RORA: variants seen among roughly 807,000 people sequenced by gnomAD.
The protein encoded by RORA is nuclear receptor ROR-alpha.
In RORA, 7 loss-of-function variants were observed where a neutral mutation model predicts 69.5. That is an observed-to-expected ratio of 0.10 (90% CI 0.06 to 0.19). The LOEUF is 0.19. Among genes scored for constraint, RORA ranks in the 10% least tolerant of loss-of-function variants. The pLI is 1.00. For missense variants in RORA, 457 were observed against 663.0 expected, an observed-to-expected ratio of 0.69 and a Z score of 3.41; for synonymous variants, 261 against 240.8, an observed-to-expected ratio of 1.08 and a Z score of -0.78.
intron 2 of RORA, among the ~76,000 whole-genome samples, chr15:60,589,287 T>C (rs945974126): frequency 6.6e-6 from 1 of 152,226 alleles, no homozygotes; most frequent in African/African-American, 2.4e-5. Flanking sequence ...ATACAGTATT[T>C]TCAAAGTGGT....
chr15:60,846,504 T>G (rs1474581019), intron 1 of RORA, among the ~76,000 whole-genome samples: 1 of 152,230 alleles, frequency 6.6e-6, no homozygotes, highest in Non-Finnish European at 1.5e-5. Flanking sequence ...CTTTTTGGAA[T>G]GCAGATATAG....
intron 2 of RORA, among the ~76,000 whole-genome samples, chr15:60,613,934 G>C (rs1219616208): frequency 1.2e-4 from 17 of 146,890 alleles, no homozygotes. Flanking sequence ...ATCTCATATG[G>C]GGAAATTATG....
In RORA at chr15:60,627,517, A is replaced by C. The variant is rs1242519399; in HGVS notation, c.196+51140T>G. The C allele has an allele frequency of 4.8e-6, 7 of 1,472,526 alleles. No homozygotes were observed. In the East Asian group the frequency reaches 1.4e-4, roughly 30 times the overall value. 91.2% of individuals were successfully genotyped at this position (1,472,526 alleles called of 1,614,324 possible). A position where few individuals can be genotyped will look rare whatever the true frequency, so the allele number is the denominator to read the frequency against. ...GAGGAGTATGGGGGATAATGCTCAG[A>C]GGCCCTGTGAATCTGCTGCCATGGG... On this transcript the variant is annotated intron_variant, in intron 2 of 10. Coordinates refer to ENST00000335670, the MANE Select transcript of RORA (RefSeq NM_134261.3).
intron 1 of RORA, among the ~76,000 whole-genome samples, chr15:61,201,187 C>G (rs2079892535): frequency 6.6e-6 from 1 of 152,230 alleles, no homozygotes; most frequent in Admixed American, 6.5e-5. Flanking sequence ...GGTACCCAAG[C>G]AAAGTCAGGC....
intron 1 of RORA, among the ~76,000 whole-genome samples, chr15:60,902,233 T>G (rs111442723): frequency 7.9e-5 from 12 of 152,280 alleles, no homozygotes; most frequent in African/African-American, 2.9e-4. Flanking sequence ...AACTCTGCAG[T>G]GAAGGCTCTT....
intron 1 of RORA, among the ~76,000 whole-genome samples, chr15:60,856,166 G>C (rs2256414): frequency 0.87 from 132,932 of 152,200 alleles, 58,748 homozygotes; most frequent in East Asian, 0.99. Context: ...TGGGGAAACT[G>C]ATGAAGTGGA....
chr15:60,770,844 T>G (rs899988102), intron 1 of RORA, among the ~76,000 whole-genome samples: 7 of 152,176 alleles, frequency 4.6e-5, no homozygotes, highest in African/African-American at 1.7e-4. Flanking sequence ...GAGATTTAAT[T>G]TCATGGGACT....
intron 1 of RORA, among the ~76,000 whole-genome samples, chr15:60,978,797 T>C (rs1222786430): frequency 6.6e-6 from 1 of 152,134 alleles, no homozygotes; most frequent in Non-Finnish European, 1.5e-5. Flanking sequence ...TTTGACACCC[T>C]TGTTGAAAAT....
chr15:60,768,132 C>T (rs945155978), intron 1 of RORA, among the ~76,000 whole-genome samples: 7 of 152,166 alleles, frequency 4.6e-5, no homozygotes, highest in Non-Finnish European at 8.8e-5. Context: ...TTTTCTCATC[C>T]CCCATCATGA....
chr15:60,731,914 C>G (rs753861540), intron 1 of RORA, among the ~76,000 whole-genome samples: 1 of 152,166 alleles, frequency 6.6e-6, no homozygotes, highest in South Asian at 2.1e-4. Context: ...GAGGAGGACA[C>G]GTCCCAGGGA....
intron 1 of RORA, among the ~76,000 whole-genome samples, chr15:60,705,443 AAC>A (rs1393954079): frequency 6.6e-6 from 1 of 152,206 alleles, no homozygotes; most frequent in Non-Finnish European, 1.5e-5. Context: ...GTGATTTCTG[AAC>A]AGTTACTTAA....
chr15:60,501,089 G>A lies in RORA; in HGVS notation c.1184-20C>T, dbSNP rs201142435. The A allele has an allele frequency of 1.3e-5, 18 of 1,397,300 alleles. No homozygotes were observed. The highest frequency in any genetic ancestry group is 1.6e-5 in the Non-Finnish European group (16 of 995,192). The allele number at this position is 1,397,300 out of a possible 1,614,324, so 86.6% of individuals were successfully genotyped here. On this transcript the variant is annotated intron_variant, in intron 8 of 10. Coordinates refer to ENST00000335670, the MANE Select transcript of RORA (RefSeq NM_134261.3). ...CACAACCTGCCAAAATGAAAACAAA[G>A]ACAGTTTAGAATTTTGATTATTGTC...
At chr15:60,761,767 T>A (rs940744249) in intron 1 of RORA, among the ~76,000 whole-genome samples, 1 of 152,184 alleles carries the variant, frequency 6.6e-6, no homozygotes. Flanking sequence ...AGAATTTTGG[T>A]CTGACAAAGA....
intron 1 of RORA, among the ~76,000 whole-genome samples, chr15:61,052,169 G>C (rs561802222): frequency 6.6e-6 from 1 of 152,348 alleles, no homozygotes; most frequent in Middle Eastern, 3.4e-3. Flanking sequence ...TATGCACACA[G>C]AGAATGATCA....
intron 1 of RORA, among the ~76,000 whole-genome samples, chr15:61,124,428 C>T (rs1406362858): frequency 2.0e-5 from 3 of 152,112 alleles, no homozygotes; most frequent in African/African-American, 2.4e-5. Context: ...ACCCTCTCTG[C>T]CCCTCTGAGA....
rs115978962 is a variant in RORA at position 60,533,351 on chromosome 15, C to T, written c.197-1500G>A. ...CTTTCTAATACCCCAATAATGGTGA[C>T]TTTGGACACTAATAGGTATAGTTTG... On this transcript the variant is annotated intron_variant, in intron 2 of 10. Transcript: ENST00000335670. 1.0e-3 allele frequency among the ~76,000 whole-genome samples: 157 copies of T among 152,226 alleles called. 1 individual carries two copies. The highest frequency in any genetic ancestry group is 3.7e-3 in the African/African-American group (153 of 41,534).
chr15:61,078,167 A>G (rs1157299455), intron 1 of RORA, among the ~76,000 whole-genome samples: 1 of 152,208 alleles, frequency 6.6e-6, no homozygotes, highest in Non-Finnish European at 1.5e-5. Context: ...TTTTTAAATT[A>G]AAAACAATTT....
Position 60,515,945 on chromosome 15 carries a change from ATATTTATAT to A in RORA, c.283-1197_283-1189del, listed in dbSNP as rs2065864450. On this transcript the variant is annotated intron_variant, in intron 3 of 10. Transcript: ENST00000335670. ...TATATATTTATATATATATTTATAT[ATATTTATAT>A]ATTTATATTTATATATATTTATATA... Among the ~76,000 whole-genome samples the A allele has an allele frequency of 1.6e-4, 2 of 12,450 alleles. 1 individual carries two copies. Among genetic ancestry groups the A allele is most frequent in the African/African-American group, 8.5e-4 (2 of 2,366 alleles). The allele number at this position is 12,450 out of a possible 152,430, so 8.2% of individuals were successfully genotyped here.
At chr15:61,093,949 C>T (rs911934682) in intron 1 of RORA, among the ~76,000 whole-genome samples, 1 of 152,204 alleles carries the variant, frequency 6.6e-6, no homozygotes, top group African/African-American at 2.4e-5. Flanking sequence ...GTGAGGATTA[C>T]AAACTTCTCT....
Sources: gnomAD v4.1 joint callset for allele counts (sites outside exome capture counted in the v4.1 genomes callset) on GRCh38, gnomAD v4.1.1 for gene constraint, MANE v1.5 for transcripts, NCBI Gene and HGNC (gene_info 2026-07-23, HGNC 2026-07-21) for gene names.